TNRC18: variants seen among roughly 807,000 people sequenced by gnomAD.
TNRC18 encodes trinucleotide repeat containing 18, also known as trinucleotide repeat-containing gene 18 protein.
TNRC18 carries 69 observed loss-of-function variants against 226.7 expected under a neutral mutation model. The ratio of observed to expected loss-of-function variants is 0.30; its 90% CI spans 0.25 to 0.37. The LOEUF is 0.37. Ranked by LOEUF, TNRC18 falls within the 10% of genes least tolerant of loss-of-function variation. TNRC18 has a pLI of 1.00. For missense variants in TNRC18, 4,754 were observed against 4,256.6 expected, an observed-to-expected ratio of 1.12 and a Z score of -3.25; for synonymous variants, 2,449 against 1,927.6, an observed-to-expected ratio of 1.27 and a Z score of -7.09.
intron 2 of TNRC18, among the ~76,000 whole-genome samples, chr7:5,415,159 C>A (rs1387239963): frequency 6.6e-6 from 1 of 152,066 alleles, no homozygotes; most frequent in Non-Finnish European, 1.5e-5. Flanking sequence ...TCCCCTCCCA[C>A]CAGCTCCAGC....
intron 19 of TNRC18, among the ~76,000 whole-genome samples, chr7:5,328,051 G>T (rs1395195844): frequency 6.6e-6 from 1 of 150,650 alleles, no homozygotes; most frequent in African/African-American, 2.4e-5. Flanking sequence ...GTGAAACCCC[G>T]TCTCTACTAA....
intron 17 of TNRC18, among the ~76,000 whole-genome samples, chr7:5,351,542 C>T (rs1358750712): frequency 1.3e-5 from 2 of 152,126 alleles, no homozygotes; most frequent in African/African-American, 2.4e-5. Context: ...TGGAGAGAAA[C>T]GCAGACTCAA....
At chr7:5,353,366 G>A (rs191173043) in intron 16 of TNRC18, among the ~76,000 whole-genome samples, 8 of 152,066 alleles carry the variant, frequency 5.3e-5, no homozygotes, top group Middle Eastern at 3.4e-3. Context: ...GCAAAACCCC[G>A]TCTGTATTTT....
intron 27 of TNRC18, among the ~76,000 whole-genome samples, chr7:5,310,488 G>A (rs1036584104): frequency 1.4e-4 from 22 of 152,132 alleles, no homozygotes; most frequent in African/African-American, 5.3e-4. Context: ...TCCTGCCTGG[G>A]CCTCCCAGAG....
chr7:5,420,546 C>T (rs1199268521), intron 2 of TNRC18: 1 of 444,324 alleles, frequency 2.3e-6, no homozygotes, highest in Non-Finnish European at 4.5e-6. Flanking sequence ...ACTCCCGCAT[C>T]CCCCGGCGTA....
At chr7:5,338,385 C>A (rs956252294) in intron 18 of TNRC18, among the ~76,000 whole-genome samples, 4 of 152,060 alleles carry the variant, frequency 2.6e-5, no homozygotes, top group African/African-American at 9.7e-5. Flanking sequence ...CGTGGCTATA[C>A]TAATAACAAA....
intron 5 of TNRC18, among the ~76,000 whole-genome samples, chr7:5,385,312 C>T (rs1043209466): frequency 4.6e-5 from 7 of 152,030 alleles, no homozygotes; most frequent in African/African-American, 1.7e-4. Context: ...CAAGGTGAAA[C>T]CCCGTCTCTA....
At chr7:5,381,526 C>G (rs1779394949) in intron 5 of TNRC18, among the ~76,000 whole-genome samples, 1 of 152,140 alleles carries the variant, frequency 6.6e-6, no homozygotes, top group Non-Finnish European at 1.5e-5. Flanking sequence ...CACAGCTATT[C>G]TGCTTATTGA....
intron 16 of TNRC18, 75 bp from the exon 17 acceptor site, chr7:5,352,169 G>A (rs189570166): frequency 1.5e-5 from 21 of 1,441,522 alleles, no homozygotes; most frequent in South Asian, 5.7e-5. Context: ...TGGTTTTAAT[G>A]GTTCTGAGAA....
At chr7:5,408,959 C>A (rs985085167) in intron 2 of TNRC18, among the ~76,000 whole-genome samples, 1 of 152,166 alleles carries the variant, frequency 6.6e-6, no homozygotes, top group Non-Finnish European at 1.5e-5. Flanking sequence ...AATCAGAGTG[C>A]GAATCATCAA....
intron 17 of TNRC18, among the ~76,000 whole-genome samples, chr7:5,348,458 A>G (rs977094288): frequency 6.6e-6 from 1 of 152,140 alleles, no homozygotes; most frequent in African/African-American, 2.4e-5. Flanking sequence ...CCAACTCCAC[A>G]GTCTCCTGCC....
rs182581473 is a variant in TNRC18 at position 5,406,896 on chromosome 7, G to A, written c.188-12301C>T. ...GAAAAGAAAAAAGAAAAGAAAAGAAGAGCCAAGAAGTGAAAAAGGAAAACA... is the reference window on the plus strand; with the variant it reads ...GAAAAGAAAAAAGAAAAGAAAAGAAAAGCCAAGAAGTGAAAAAGGAAAACA... On this transcript the variant is annotated intron_variant, in intron 2 of 29. Transcript: ENST00000430969. Among the ~76,000 whole-genome samples, 279 of 151,650 alleles carry A rather than the reference G, an allele frequency of 1.8e-3. 1 individual carries two copies. Among genetic ancestry groups the A allele is most frequent in the African/African-American group, 6.5e-3 (267 of 41,342 alleles).
At position 5,377,300 on chromosome 7, in the gene TNRC18, C is replaced by T; in HGVS notation, c.2461+71G>A. 7.1e-7 allele frequency: 1 copy of T among 1,411,216 alleles called. No homozygotes were observed. The highest frequency in any genetic ancestry group is 9.4e-7 in the Non-Finnish European group (1 of 1,059,522). The allele number at this position is 1,411,216 out of a possible 1,614,324, so 87.4% of individuals were successfully genotyped here. A position where few individuals can be genotyped will look rare whatever the true frequency, so the allele number is the denominator to read the frequency against. On this transcript the variant is annotated intron_variant, in intron 7 of 29. Coordinates refer to ENST00000430969, the MANE Select transcript of TNRC18 (RefSeq NM_001080495.3). This position sits in a 1 kb window ranked among gnomAD's most constrained non-coding sequence, Gnocchi z 5.8. Reference sequence around the variant, plus strand: ...ACGGCAGGCAGGAGCCAGCCCTGAGCTCTTGTCCTGCACCCGCCCCCTCCC... The same window carrying T: ...ACGGCAGGCAGGAGCCAGCCCTGAGTTCTTGTCCTGCACCCGCCCCCTCCC...
At position 5,313,593 on chromosome 7, in the gene TNRC18, G is replaced by A; in HGVS notation, c.7298C>T (p.Thr2433Ile). The stretch of plus-strand genomic sequence containing the variant: ...CCGCGCCTTCTTGGGCTTGGGGCGT[G>A]TGGCAGGCATGGTGATGAGGGGTGC... ...APAPLITMPA[T>I]RPKPKKARAA... Residue 2433 changes from threonine to isoleucine, a missense_variant, in exon 27 of 30, where the codon ACA (threonine) becomes ATA (isoleucine). Thr to Ile is a moderately conservative substitution (Grantham distance 89, BLOSUM62 -1). Coordinates refer to ENST00000430969, the MANE Select transcript of TNRC18 (RefSeq NM_001080495.3). 1 of 1,604,382 alleles carries A rather than the reference G, an allele frequency of 6.2e-7. No homozygotes were observed. The highest frequency in any genetic ancestry group is 1.3e-5 in the African/African-American group (1 of 74,890).
intron 18 of TNRC18, among the ~76,000 whole-genome samples, chr7:5,340,407 T>C (rs752835505): frequency 2.0e-5 from 3 of 152,170 alleles, no homozygotes; most frequent in Non-Finnish European, 4.4e-5. Context: ...AAAGAAAAGT[T>C]TGAAGCCAGC....
chr7:5,334,740 ACTGGAACAC>A (rs1292185338), intron 18 of TNRC18, among the ~76,000 whole-genome samples: 1 of 152,062 alleles, frequency 6.6e-6, no homozygotes, highest in Non-Finnish European at 1.5e-5. Flanking sequence ...CCAGAGATCC[ACTGGAACAC>A]CTGGCGTACG....
rs1189875888 is a variant in TNRC18 at position 5,307,850 on chromosome 7, C to G, written c.*256G>C. ...GCAGGAAGGGCCGGTCCGGCCATAC[C>G]CTGATAGCTAAGAGGGGCCCCTGTC... On this transcript the variant is annotated 3_prime_UTR_variant, in exon 30 of 30. Transcript: ENST00000430969. The G allele has an allele frequency of 1.8e-6, 1 of 547,238 alleles. No homozygotes were observed. Among genetic ancestry groups the G allele is most frequent in the South Asian group, 2.0e-5 (1 of 48,830 alleles). The allele number at this position is 547,238 out of a possible 1,614,324, so 33.9% of individuals were successfully genotyped here.
In TNRC18 at chr7:5,376,985, G is replaced by C; in HGVS notation, c.2470C>G (p.Pro824Ala). 3 of 1,580,636 alleles carry C rather than the reference G, an allele frequency of 1.9e-6. No homozygotes were observed. Among genetic ancestry groups the C allele is most frequent in the Non-Finnish European group, 2.6e-6 (3 of 1,163,700 alleles). Residue 824 changes from proline to alanine, a missense_variant, in exon 8 of 30, where the codon CCC becomes GCC. Pro to Ala is a conservative substitution (Grantham distance 27). Coordinates refer to ENST00000430969, the MANE Select transcript of TNRC18 (RefSeq NM_001080495.3). ...WLAGHPYGLG[P>A]PSLHQGMAPA... ...GCCATGCCCTGGTGCAGAGATGGGG[G>C]ACCCAAGCCTAGGAGGAGAAGCCCA...
At chr7:5,365,811 T>G (rs1402181943) in intron 11 of TNRC18, among the ~76,000 whole-genome samples, 1 of 152,020 alleles carries the variant, frequency 6.6e-6, no homozygotes, top group Admixed American at 6.6e-5. Context: ...GGCTCACGTC[T>G]GTAATCCCAG....
Sources: allele counts gnomAD v4.1 joint callset (sites outside exome capture counted in the v4.1 genomes callset), GRCh38; gene constraint gnomAD v4.1.1; non-coding constraint Gnocchi (gnomAD v3.1); transcripts MANE v1.5; gene names NCBI Gene and HGNC (gene_info 2026-07-23, HGNC 2026-07-21).